The following TNFSF8 variants were observed in gnomAD, a reference collection of about 807,000 sequenced individuals.
The protein encoded by TNFSF8 is TNF superfamily member 8, also known as tumor necrosis factor ligand superfamily member 8.
A neutral mutation model predicts 22.0 loss-of-function variants in TNFSF8; 4 were observed. That is an observed-to-expected ratio of 0.18 (90% confidence interval 0.09 to 0.42). The LOEUF is 0.42. Ranked by LOEUF, TNFSF8 falls within the 10% of genes least tolerant of loss-of-function variation. TNFSF8 has a pLI of 1.00. For synonymous variants in TNFSF8, 106 were observed against 112.5 expected, an observed-to-expected ratio of 0.94 and a Z score of 0.37; for missense variants, 233 against 281.8, an observed-to-expected ratio of 0.83 and a Z score of 1.24.
chr9:114,894,279 G>T, intron 4 of TNFSF8: 1 of 850,410 alleles, frequency 1.2e-6, no homozygotes, highest in Non-Finnish European at 1.9e-6. Flanking sequence ...GTACAATCAT[G>T]CTGTCATAGT....
chr9:114,915,859 C>T lies in TNFSF8; in HGVS notation c.238+2237G>A, dbSNP rs545401615. On this transcript the variant is annotated intron_variant, in intron 2 of 3. Coordinates refer to ENST00000223795, the MANE Select transcript of TNFSF8 (RefSeq NM_001244.4). ...AAGCTGCAATGTCTTTTACACCAACCGAATATTATTAGCATTTAAAAAAAT... is the reference window on the plus strand; with the variant it reads ...AAGCTGCAATGTCTTTTACACCAACTGAATATTATTAGCATTTAAAAAAAT... 7.2e-5 allele frequency among the ~76,000 whole-genome samples: 11 copies of T among 152,018 alleles called. No homozygotes were observed. In the South Asian group the frequency reaches 8.3e-4, roughly 11 times the overall value.
rs148502014 is a variant in TNFSF8 at position 114,921,808 on chromosome 9, C to T, written c.196-3670G>A. ...TCCCAGGTTTTCATTCTCAGCTCCA[C>T]TGAGTAGCTCAGGAAACTTTGTCTC... is the stretch of plus-strand genomic sequence containing the variant. On this transcript the variant is annotated intron_variant, in intron 1 of 3. Coordinates refer to ENST00000223795, the MANE Select transcript of TNFSF8 (RefSeq NM_001244.4). Among the ~76,000 whole-genome samples the T allele has an allele frequency of 3.1e-3, 469 of 152,372 alleles. 3 individuals carry two copies. The highest frequency in any genetic ancestry group is 0.011 in the African/African-American group (441 of 41,590).
intron 1 of TNFSF8, among the ~76,000 whole-genome samples, chr9:114,922,903 C>G (rs1828006581): frequency 6.6e-6 from 1 of 152,026 alleles, no homozygotes; most frequent in African/African-American, 2.4e-5. Flanking sequence ...GATGAGCATC[C>G]AGGTGATGCC....
At chr9:114,923,654 A>T (rs1284607614) in intron 1 of TNFSF8, among the ~76,000 whole-genome samples, 3 of 151,696 alleles carry the variant, frequency 2.0e-5, no homozygotes, top group Non-Finnish European at 4.4e-5. Context: ...AGTAGCTGGG[A>T]CTACAGGTGT....
intron 1 of TNFSF8, among the ~76,000 whole-genome samples, chr9:114,920,103 A>T: frequency 6.6e-6 from 1 of 152,184 alleles, no homozygotes; most frequent in Admixed American, 6.5e-5. Flanking sequence ...TTGCAGGAAA[A>T]CTTGATATCA....
chr9:114,894,947 C>G (rs375890490), intron 4 of TNFSF8, among the ~76,000 whole-genome samples: 5 of 152,282 alleles, frequency 3.3e-5, no homozygotes, highest in African/African-American at 1.2e-4. Context: ...CCCTTGAGTA[C>G]TGTGCCATGC....
rs1243986653 is a variant in TNFSF8 at position 114,903,636 on chromosome 9, C to G, written c.*295G>C. 2 of 1,001,504 alleles carry G rather than the reference C, an allele frequency of 2.0e-6. No individual in the cohort carries two copies. Among genetic ancestry groups the G allele is most frequent in the East Asian group, 1.2e-4 (2 of 16,366 alleles). 62.0% of individuals were successfully genotyped at this position (1,001,504 alleles called of 1,614,324 possible). On this transcript the variant is annotated 3_prime_UTR_variant, in exon 4 of 4. Transcript: ENST00000223795. ...CAAAACAGAAGAAATAGATCAAGAC[C>G]ATACAGTGAATTAGAGGTTGGGCTG...
At chr9:114,897,521 C>T (rs73659305), downstream of TNFSF8, among the ~76,000 whole-genome samples, 6,775 of 152,090 alleles carry the variant, frequency 0.045, 500 homozygotes, top group African/African-American at 0.15. Context: ...ATGCAATTAA[C>T]GATGGGGAAG....
intron 4 of TNFSF8, among the ~76,000 whole-genome samples, chr9:114,894,353 C>T (rs538529661): frequency 1.3e-4 from 19 of 151,630 alleles, no homozygotes; most frequent in South Asian, 1.2e-3. Context: ...TCTAATTTAG[C>T]GGAATGGTTC....
In TNFSF8 at chr9:114,902,787, C is replaced by T; in HGVS notation, c.*1144G>A. On this transcript the variant is annotated 3_prime_UTR_variant, in exon 4 of 4. Coordinates refer to ENST00000223795, the MANE Select transcript of TNFSF8 (RefSeq NM_001244.4). ...GAAGAGGTTTTGAAGCAATTCAAAC[C>T]CAGTCCTTTCATTTTCTAGACTTGG... 3.1e-6 allele frequency: 3 copies of T among 980,970 alleles called. No homozygotes were observed. The South Asian group carries it at 1.4e-4, about 46-fold the overall frequency. 60.8% of individuals were successfully genotyped at this position (980,970 alleles called of 1,614,324 possible).
intron 2 of TNFSF8, among the ~76,000 whole-genome samples, chr9:114,917,067 G>A (rs564150130): frequency 1.3e-5 from 2 of 152,174 alleles, no homozygotes; most frequent in Non-Finnish European, 2.9e-5. Context: ...GTCTCTGGGT[G>A]ATAAACCACA....
intron 2 of TNFSF8, among the ~76,000 whole-genome samples, chr9:114,916,660 GC>G (rs569574401): frequency 2.6e-5 from 4 of 152,142 alleles, no homozygotes; most frequent in Non-Finnish European, 4.4e-5. Flanking sequence ...TCCAAAGCCT[GC>G]AGTGACTCCT....
rs1827728918 is a variant in TNFSF8 at position 114,902,406 on chromosome 9, G to A, written c.*1525C>T. ...TGTTGCACACTGATTGTTTGCTAAA[G>A]GCACAATGCTTTCCTGACCAGAAAT... On this transcript the variant is annotated 3_prime_UTR_variant, in exon 4 of 4. Coordinates refer to ENST00000223795, the MANE Select transcript of TNFSF8 (RefSeq NM_001244.4). The A allele has an allele frequency of 1.0e-6, 1 of 985,286 alleles. No individual in the cohort carries two copies. The highest frequency in any genetic ancestry group is 1.1e-4 in the East Asian group (1 of 8,826). The allele number at this position is 985,286 out of a possible 1,614,324, so 61.0% of individuals were successfully genotyped here. A position where few individuals can be genotyped will look rare whatever the true frequency, so the allele number is the denominator to read the frequency against.
Position 114,902,866 on chromosome 9 carries a change from C to T in TNFSF8, c.*1065G>A. On this transcript the variant is annotated 3_prime_UTR_variant, in exon 4 of 4. Transcript: ENST00000223795. Reference sequence around the variant, plus strand: ...AGTGAATTCTTATAATTTTATGTTGCCTTGGCAACCATTTTGTATACAAGT... The same window carrying T: ...AGTGAATTCTTATAATTTTATGTTGTCTTGGCAACCATTTTGTATACAAGT... 6.7e-6 allele frequency: 4 copies of T among 597,942 alleles called. No homozygotes were observed. The highest frequency in any genetic ancestry group is 2.0e-5 in the African/African-American group (1 of 49,868). 37.0% of individuals were successfully genotyped at this position (597,942 alleles called of 1,614,324 possible).
At chr9:114,898,248 C>T (rs564336240), downstream of TNFSF8, among the ~76,000 whole-genome samples, 40 of 152,214 alleles carry the variant, frequency 2.6e-4, no homozygotes, top group Admixed American at 7.2e-4. Flanking sequence ...ATGATCCGCC[C>T]GCCTCGACCT....
At chr9:114,921,264 G>C (rs1015401363) in intron 1 of TNFSF8, among the ~76,000 whole-genome samples, 2 of 152,276 alleles carry the variant, frequency 1.3e-5, no homozygotes, top group Non-Finnish European at 2.9e-5. Flanking sequence ...AAGAGCTCTT[G>C]GGATGAGGTC....
In TNFSF8 at chr9:114,924,518, T is replaced by A. The variant is rs148342441; in HGVS notation, c.195+5591A>T. 1.2e-3 allele frequency among the ~76,000 whole-genome samples: 181 copies of A among 152,318 alleles called. 1 individual carries two copies. Among genetic ancestry groups the A allele is most frequent in the South Asian group, 1.9e-3 (9 of 4,824 alleles). Reference sequence around the variant, plus strand: ...AGTACATGTGAGTGAAAGGTCATGCTGCCTCCAGCTTACTTTCATATCCTT... The same window carrying A: ...AGTACATGTGAGTGAAAGGTCATGCAGCCTCCAGCTTACTTTCATATCCTT... On this transcript the variant is annotated intron_variant, in intron 1 of 3. Coordinates refer to ENST00000223795, the MANE Select transcript of TNFSF8 (RefSeq NM_001244.4).
chr9:114,920,091 G>T (rs1048582240), intron 1 of TNFSF8, among the ~76,000 whole-genome samples: 8 of 152,204 alleles, frequency 5.3e-5, no homozygotes, highest in South Asian at 2.1e-4. Flanking sequence ...TATGCATGCA[G>T]TTTGCAGGAA....
At chr9:114,897,166 G>A (rs1047771522), downstream of TNFSF8, among the ~76,000 whole-genome samples, 3 of 152,094 alleles carry the variant, frequency 2.0e-5, no homozygotes, top group African/African-American at 7.2e-5. Flanking sequence ...CTCCCAAAGT[G>A]CTGGCATTAC....
Sources: gnomAD v4.1 joint callset for allele counts (sites outside exome capture counted in the v4.1 genomes callset) on GRCh38, gnomAD v4.1.1 for gene constraint, MANE v1.5 for transcripts, NCBI Gene and HGNC (gene_info 2026-07-23, HGNC 2026-07-21) for gene names.